ZCCHC7: variants seen among roughly 807,000 people sequenced by gnomAD.
ZCCHC7 encodes zinc finger CCHC-type containing 7.
In ZCCHC7, 35 loss-of-function variants were observed where a neutral mutation model predicts 52.0. That is an observed-to-expected ratio of 0.67 (90% confidence interval 0.51 to 0.89). The LOEUF (loss-of-function observed/expected upper bound fraction) is 0.89, where lower values mean the gene tolerates loss of function less well. Among genes scored for constraint, ZCCHC7 ranks in the 40% least tolerant of loss-of-function variants. The probability of loss-of-function intolerance (pLI) is 0.00; values close to 1 mark genes in which losing one functional copy is unlikely to be tolerated. For synonymous variants in ZCCHC7, 217 were observed against 221.5 expected (o/e 0.98, Z 0.18); for missense variants, 574 against 649.1 (o/e 0.88, Z 1.26).
chr9:37,166,505 A>G (rs1199864141), intron 2 of ZCCHC7, among the ~76,000 whole-genome samples: 1 of 151,930 alleles, frequency 6.6e-6, no homozygotes, highest in African/African-American at 2.4e-5. Context: ...TTCTCAAGGA[A>G]CCAACTTTTG....
At chr9:37,165,624 T>C (rs1241151644) in intron 2 of ZCCHC7, among the ~76,000 whole-genome samples, 1 of 152,226 alleles carries the variant, frequency 6.6e-6, no homozygotes. Flanking sequence ...TGGTCTTGTA[T>C]TTCTGGGTTA....
At chr9:37,275,956 ACT>A (rs1204089295) in intron 2 of ZCCHC7, among the ~76,000 whole-genome samples, 2 of 152,058 alleles carry the variant, frequency 1.3e-5, no homozygotes, top group Non-Finnish European at 2.9e-5. Flanking sequence ...CAGCTGGCAA[ACT>A]CTTTTTTCAA....
At chr9:37,280,660 TACTACTA>T (rs1827911844) in intron 2 of ZCCHC7, among the ~76,000 whole-genome samples, 1 of 151,938 alleles carries the variant, frequency 6.6e-6, no homozygotes, top group Non-Finnish European at 1.5e-5. Context: ...TTAAATAATA[TACTACTA>T]AATTAAAAAT....
intron 2 of ZCCHC7, among the ~76,000 whole-genome samples, chr9:37,294,597 A>T (rs1828695885): frequency 6.6e-6 from 1 of 152,182 alleles, no homozygotes; most frequent in African/African-American, 2.4e-5. Flanking sequence ...AAACAAAGAG[A>T]ACTGTCTTAC....
intron 6 of ZCCHC7, among the ~76,000 whole-genome samples, chr9:37,332,226 G>C (rs1250635834): frequency 1.3e-5 from 2 of 151,450 alleles, no homozygotes; most frequent in Admixed American, 1.3e-4. Flanking sequence ...TGAGGTGAAC[G>C]TGATTGTGCT....
rs1476493438 is a variant in ZCCHC7 at position 37,354,936 on chromosome 9, A to G, written c.1198+112A>G. 9.5e-6 allele frequency: 6 copies of G among 632,712 alleles called. No homozygotes were observed. Among genetic ancestry groups the G allele is most frequent in the African/African-American group, 1.8e-5 (1 of 54,092 alleles). 39.2% of individuals were successfully genotyped at this position (632,712 alleles called of 1,614,324 possible). A position where few individuals can be genotyped will look rare whatever the true frequency, so the allele number is the denominator to read the frequency against. On this transcript the variant is annotated intron_variant, in intron 8 of 8. Coordinates refer to ENST00000336755, the MANE Select transcript of ZCCHC7 (RefSeq NM_032226.3). The surrounding 1 kb of genome is among the most constrained non-coding windows in gnomAD (Gnocchi z 4.0). ...ATTGGTTAGCATAGAAAGTATTTTT[A>G]GTAATTACCAAAGAGACTGGAACTT...
chr9:37,325,679 G>A (rs1830212789), intron 5 of ZCCHC7, among the ~76,000 whole-genome samples: 2 of 152,084 alleles, frequency 1.3e-5, no homozygotes, highest in African/African-American at 4.8e-5. Flanking sequence ...TTGACACCTA[G>A]TTTGAAATGA....
intron 2 of ZCCHC7, among the ~76,000 whole-genome samples, chr9:37,276,412 G>A (rs760289142): frequency 9.2e-5 from 14 of 152,126 alleles, no homozygotes; most frequent in Non-Finnish European, 1.9e-4. Context: ...TTGAATTCAT[G>A]CTCAATCATT....
rs1564275784 is a variant in ZCCHC7, at chr9:37,354,812, C to A, written c.1186C>A (p.Gln396Lys). 1.2e-6 allele frequency: 2 copies of A among 1,600,172 alleles called. No individual in the cohort carries two copies. Among genetic ancestry groups the A allele is most frequent in the Admixed American group, 1.7e-5 (1 of 59,204 alleles). Residue 396 changes from glutamine to lysine, a missense_variant, in exon 8 of 9, where the codon CAA (glutamine) becomes AAA (lysine). By Grantham distance (53) the Gln-to-Lys change is moderately conservative. Coordinates refer to ENST00000336755, the MANE Select transcript of ZCCHC7 (RefSeq NM_032226.3). This position sits in a 1 kb window ranked among gnomAD's most constrained non-coding sequence, Gnocchi z 4.0. The stretch of plus-strand genomic sequence containing the variant: ...TCAGGAGAGAGAAAAGAGACTAAAA[C>A]AAAAAATAAAAGGTATGTTGCTAGA... Reference protein sequence around the residue: ...EIQEREKRLKQKIKVLKKNGV... With the variant: ...EIQEREKRLKKKIKVLKKNGV...
In ZCCHC7 at chr9:37,337,211, G is replaced by A. The variant is rs529536715; in HGVS notation, c.987+9377G>A. Among the ~76,000 whole-genome samples, 12 of 152,216 alleles carry A rather than the reference G, an allele frequency of 7.9e-5. No individual in the cohort carries two copies. The East Asian group carries it at 2.3e-3, about 29-fold the overall frequency. ...ATAGATTAAAAAACAGCACTAAAGA[G>A]TTTATCTGGCTGGCAAACTGAAGGA... is the stretch of plus-strand genomic sequence containing the variant. On this transcript the variant is annotated intron_variant, in intron 6 of 8. Coordinates refer to ENST00000336755, the MANE Select transcript of ZCCHC7 (RefSeq NM_032226.3).
intron 5 of ZCCHC7, among the ~76,000 whole-genome samples, chr9:37,314,605 G>A (rs553130216): frequency 1.3e-5 from 2 of 152,018 alleles, no homozygotes; most frequent in African/African-American, 2.4e-5. Flanking sequence ...TACAGAATAA[G>A]GTCAGTGCTG....
chr9:37,310,443 C>T (rs985072964), intron 5 of ZCCHC7, among the ~76,000 whole-genome samples: 4 of 152,162 alleles, frequency 2.6e-5, no homozygotes, highest in African/African-American at 7.2e-5. Context: ...TGGAGGAGTG[C>T]TTCATTCACC....
chr9:37,346,001 C>T (rs1564269433), intron 6 of ZCCHC7, among the ~76,000 whole-genome samples: 1 of 151,460 alleles, frequency 6.6e-6, no homozygotes, highest in Admixed American at 6.6e-5. Context: ...TTTGGGTTTG[C>T]GTTTGGGTTT....
At chr9:37,320,163 C>T (rs953558643) in intron 5 of ZCCHC7, among the ~76,000 whole-genome samples, 3 of 152,152 alleles carry the variant, frequency 2.0e-5, no homozygotes, top group Admixed American at 6.5e-5. Flanking sequence ...CTGCAACCTC[C>T]GTCTCCTGGG....
At chr9:37,348,146 A>C (rs1821115584) in intron 6 of ZCCHC7, among the ~76,000 whole-genome samples, 1 of 152,146 alleles carries the variant, frequency 6.6e-6, no homozygotes, top group African/African-American at 2.4e-5. Context: ...CTCTACATAG[A>C]AACTGCCTCC....
chr9:37,180,515 A>C (rs778501221), intron 2 of ZCCHC7, among the ~76,000 whole-genome samples: 2 of 151,054 alleles, frequency 1.3e-5, no homozygotes, highest in Non-Finnish European at 1.5e-5. Flanking sequence ...TCACAATCTG[A>C]AAAAAACGTC....
chr9:37,199,955 C>A (rs1823541979), intron 2 of ZCCHC7, among the ~76,000 whole-genome samples: 1 of 152,072 alleles, frequency 6.6e-6, no homozygotes, highest in African/African-American at 2.4e-5. Context: ...ATCCACCTGC[C>A]TCGGCCTCCC....
intron 2 of ZCCHC7, among the ~76,000 whole-genome samples, chr9:37,231,908 A>G (rs1825425743): frequency 6.6e-6 from 1 of 152,216 alleles, no homozygotes; most frequent in Non-Finnish European, 1.5e-5. Context: ...CAGGTATGTT[A>G]TTCTTAGGAT....
chr9:37,213,565 A>G (rs191135608), intron 2 of ZCCHC7, among the ~76,000 whole-genome samples: 87 of 152,242 alleles, frequency 5.7e-4, no homozygotes, highest in African/African-American at 2.1e-3. Context: ...AGTAATGTCT[A>G]TTTATCTGAT....
Sources: allele counts gnomAD v4.1 joint callset (sites outside exome capture counted in the v4.1 genomes callset), GRCh38; gene constraint gnomAD v4.1.1; non-coding constraint Gnocchi (gnomAD v3.1); transcripts MANE v1.5; gene names NCBI Gene and HGNC (gene_info 2026-07-23, HGNC 2026-07-21).